TNFAIP6: variants seen among roughly 807,000 people sequenced by gnomAD.
TNFAIP6 encodes tumor necrosis factor-inducible gene 6 protein.
A neutral mutation model predicts 33.7 loss-of-function variants in TNFAIP6; 36 were observed. The observed-to-expected ratio is 1.07, with a 90% CI of 0.82 to 1.41. The LOEUF is 1.41. Among genes scored for constraint, TNFAIP6 ranks in the 40% most tolerant of loss-of-function variants. TNFAIP6 has a pLI of 0.00. For missense variants in TNFAIP6, 273 were observed against 331.9 expected (o/e 0.82, Z 1.38); for synonymous variants, 113 against 112.8 (o/e 1.00, Z -0.01).
At chr2:151,368,018 T>C (rs1293847150) in intron 3 of TNFAIP6, among the ~76,000 whole-genome samples, 1 of 152,070 alleles carries the variant, frequency 6.6e-6, no homozygotes, top group Non-Finnish European at 1.5e-5. Flanking sequence ...GCCAAATTAG[T>C]TCAATATTTG....
intron 1 of TNFAIP6, among the ~76,000 whole-genome samples, 186 bp downstream of exon 1, chr2:151,357,946 T>C (rs1330871198): frequency 3.3e-5 from 5 of 152,130 alleles, no homozygotes; most frequent in Non-Finnish European, 7.4e-5. Flanking sequence ...TCCTCTAAAA[T>C]TTAAAAATAG....
At chr2:151,365,035 A>G (rs1684686918) in intron 2 of TNFAIP6, among the ~76,000 whole-genome samples, 1 of 152,130 alleles carries the variant, frequency 6.6e-6, no homozygotes. Context: ...GTATGAGAGA[A>G]TTTATCTTTA....
intron 5 of TNFAIP6, among the ~76,000 whole-genome samples, chr2:151,377,183 T>C (rs572090500): frequency 6.0e-5 from 9 of 150,568 alleles, no homozygotes; most frequent in South Asian, 2.1e-4. Context: ...CTTTTCTTTT[T>C]TTTTGAGAGT....
intron 4 of TNFAIP6, among the ~76,000 whole-genome samples, chr2:151,370,823 C>T (rs1558900429): frequency 6.6e-6 from 1 of 152,188 alleles, no homozygotes; most frequent in Non-Finnish European, 1.5e-5. Context: ...TAATCCACAC[C>T]ACTTTGGGAG....
At chr2:151,376,834 T>A (rs1684914549) in intron 5 of TNFAIP6, among the ~76,000 whole-genome samples, 1 of 151,254 alleles carries the variant, frequency 6.6e-6, no homozygotes. Flanking sequence ...AATAGATTCC[T>A]ACAGTGCCAA....
chr2:151,379,283 T>C (rs537357149), intron 5 of TNFAIP6, 81 bp from the exon 6 acceptor site: 2 of 1,244,384 alleles, frequency 1.6e-6, no homozygotes, highest in East Asian at 2.6e-5. Flanking sequence ...TATTCTCCTA[T>C]GAGAATGAAG....
intron 1 of TNFAIP6, among the ~76,000 whole-genome samples, chr2:151,360,926 C>A (rs971982776): frequency 6.6e-6 from 1 of 152,080 alleles, no homozygotes; most frequent in African/African-American, 2.4e-5. Context: ...GTACAGCAAA[C>A]CCCTGTGATG....
rs1227156034 is a variant in TNFAIP6, at chr2:151,357,593, G to A, written c.-74G>A. ...AAAGATGTGGAAACCAGATGTTTCA[G>A]TCACATTTCAGCCACTGCTCTGAGA... On this transcript the variant is annotated 5_prime_UTR_variant, in exon 1 of 6. Coordinates refer to ENST00000243347, the MANE Select transcript of TNFAIP6 (RefSeq NM_007115.4). 2.2e-6 allele frequency: 2 copies of A among 913,390 alleles called. No individual in the cohort carries two copies. The highest frequency in any genetic ancestry group is 1.6e-5 in the African/African-American group (1 of 61,034). 56.6% of individuals were successfully genotyped at this position (913,390 alleles called of 1,614,324 possible).
chr2:151,373,604 T>G lies in TNFAIP6; in HGVS notation c.664+15T>G. 1 of 1,489,038 alleles carries G rather than the reference T, an allele frequency of 6.7e-7. No individual in the cohort carries two copies. Among genetic ancestry groups the G allele is most frequent in the Non-Finnish European group, 9.1e-7 (1 of 1,100,820 alleles). The allele number at this position is 1,489,038 out of a possible 1,614,324, so 92.2% of individuals were successfully genotyped here. On this transcript the variant is annotated intron_variant, in intron 5 of 5. Transcript: ENST00000243347. Reference sequence around the variant, plus strand: ...CATCAGTACAGGTAAGGTTTTAAATTGAGGACCAAAACTATGATTTGTTTC... The same window carrying G: ...CATCAGTACAGGTAAGGTTTTAAATGGAGGACCAAAACTATGATTTGTTTC...
At chr2:151,373,372 C>T (rs1216516269) in intron 4 of TNFAIP6, among the ~76,000 whole-genome samples, 177 bp from the exon 5 acceptor site, 2 of 152,054 alleles carry the variant, frequency 1.3e-5, no homozygotes, top group African/African-American at 4.8e-5. Flanking sequence ...TTTCAAATAA[C>T]AAACTTTGTT....
intron 3 of TNFAIP6, among the ~76,000 whole-genome samples, chr2:151,366,546 T>C (rs1363754474): frequency 5.3e-5 from 8 of 152,178 alleles, no homozygotes; most frequent in Non-Finnish European, 8.8e-5. Context: ...AATTCAGATC[T>C]TCTCTGTGCC....
chr2:151,373,522 A>T, intron 4 of TNFAIP6, 27 bp from the exon 5 acceptor site: 1 of 1,475,424 alleles, frequency 6.8e-7, no homozygotes, highest in South Asian at 1.3e-5. Flanking sequence ...TTTGTGTGAC[A>T]TCTCTTTTCT....
In TNFAIP6 at chr2:151,361,914, A is replaced by C. The variant is rs561957081; in HGVS notation, c.95-2029A>C. Among the ~76,000 whole-genome samples, 79 of 152,324 alleles carry C rather than the reference A, an allele frequency of 5.2e-4. 2 individuals are homozygous for C. Among genetic ancestry groups the C allele is most frequent in the African/African-American group, 1.8e-3 (74 of 41,578 alleles). On this transcript the variant is annotated intron_variant, in intron 1 of 5. Coordinates refer to ENST00000243347, the MANE Select transcript of TNFAIP6 (RefSeq NM_007115.4). ...TAATGGGATTTACTATGTAATGTAT[A>C]AGAGCAGGATCCTTGGAGTTCAGAA...
chr2:151,380,509 A>G (rs142966522), downstream of TNFAIP6, among the ~76,000 whole-genome samples: 428 of 152,294 alleles, frequency 2.8e-3, 3 homozygotes, highest in African/African-American at 9.9e-3. Context: ...TAAAGATCTT[A>G]ATTGGCTTTT....
chr2:151,368,030 A>AT (rs1168613883), intron 3 of TNFAIP6, among the ~76,000 whole-genome samples: 1 of 152,042 alleles, frequency 6.6e-6, no homozygotes, highest in Admixed American at 6.6e-5. Flanking sequence ...CAATATTTGA[A>AT]TTTTTTCTAA....
chr2:151,378,703 G>A (rs1282710640), intron 5 of TNFAIP6, among the ~76,000 whole-genome samples: 2 of 151,610 alleles, frequency 1.3e-5, no homozygotes, highest in Non-Finnish European at 2.9e-5. Context: ...TGGTCAGGCT[G>A]GTATGGAACT....
At chr2:151,361,372 G>A (rs910030051) in intron 1 of TNFAIP6, among the ~76,000 whole-genome samples, 3 of 151,968 alleles carry the variant, frequency 2.0e-5, no homozygotes, top group South Asian at 2.1e-4. Flanking sequence ...TACCATGCCC[G>A]GCCAAATCTC....
At chr2:151,376,988 C>T (rs1306821274) in intron 5 of TNFAIP6, among the ~76,000 whole-genome samples, 3 of 149,070 alleles carry the variant, frequency 2.0e-5, no homozygotes, top group Admixed American at 6.7e-5. Flanking sequence ...GTGATTTTCC[C>T]GCACAAGGCT....
intron 3 of TNFAIP6, among the ~76,000 whole-genome samples, chr2:151,368,130 A>G (rs1684747768): frequency 6.6e-6 from 1 of 151,986 alleles, no homozygotes; most frequent in African/African-American, 2.4e-5. Context: ...GCAGACATAC[A>G]AACTATGTGT....
Sources: allele counts gnomAD v4.1 joint callset (sites outside exome capture counted in the v4.1 genomes callset), GRCh38; gene constraint gnomAD v4.1.1; transcripts MANE v1.5; gene names NCBI Gene and HGNC (gene_info 2026-07-23, HGNC 2026-07-21).